The following FAF1 variants were observed in gnomAD, a reference collection of about 807,000 sequenced individuals.
FAF1 encodes the protein Fas associated factor 1.
In FAF1, 25 loss-of-function variants were observed where a neutral mutation model predicts 92.5. The ratio of observed to expected loss-of-function variants is 0.27; its 90% CI spans 0.20 to 0.38. The LOEUF (loss-of-function observed/expected upper bound fraction) is 0.38. Ranked by LOEUF, FAF1 falls within the 10% of genes least tolerant of loss-of-function variation. The pLI, the probability that FAF1 is intolerant of heterozygous loss-of-function variation, is 1.00. For missense variants in FAF1, 636 were observed against 793.3 expected (o/e 0.80, Z 2.38); for synonymous variants, 234 against 273.2 (o/e 0.86, Z 1.42).
intron 2 of FAF1, among the ~76,000 whole-genome samples, chr1:50,807,159 A>G (rs1200184877): frequency 6.6e-6 from 1 of 152,268 alleles, no homozygotes; most frequent in Non-Finnish European, 1.5e-5. Flanking sequence ...ATAAAATAAT[A>G]CAGGAGATAA....
intron 7 of FAF1, among the ~76,000 whole-genome samples, chr1:50,667,123 T>A (rs1309998670): frequency 6.6e-6 from 1 of 152,150 alleles, no homozygotes; most frequent in Non-Finnish European, 1.5e-5. Context: ...GTTCCTGGTG[T>A]CACACACATC....
At chr1:50,491,965 G>A (rs565913348) in intron 15 of FAF1, among the ~76,000 whole-genome samples, 164 bp from the exon 16 acceptor site, 5 of 152,200 alleles carry the variant, frequency 3.3e-5, no homozygotes, top group African/African-American at 9.6e-5. Context: ...ACAATAAGAT[G>A]AGCAGCATGG....
At chr1:50,888,621 C>G (rs77491617) in intron 1 of FAF1, among the ~76,000 whole-genome samples, 1 of 150,876 alleles carries the variant, frequency 6.6e-6, no homozygotes, top group East Asian at 2.0e-4. Flanking sequence ...TTTTCTGCAT[C>G]GATTAGGTTT....
chr1:50,556,663 C>T (rs1649598231), intron 13 of FAF1, among the ~76,000 whole-genome samples: 1 of 151,680 alleles, frequency 6.6e-6, no homozygotes, highest in Non-Finnish European at 1.5e-5. Context: ...TGGTGAGACC[C>T]CGTGTCTACA....
chr1:50,536,949 C>G (rs1648515487), intron 14 of FAF1, among the ~76,000 whole-genome samples: 1 of 152,024 alleles, frequency 6.6e-6, no homozygotes, highest in Non-Finnish European at 1.5e-5. Context: ...TGACAGATGA[C>G]AAAAGAAGTT....
chr1:50,596,134 T>A lies in FAF1; in HGVS notation c.827A>T (p.Glu276Val), dbSNP rs1329680842. ...AAACAGGCTTACTTCTTCCGACTGTTCCCGGGTCTGTGCAGGTGAAGATCT... is the reference window on the plus strand; with the variant it reads ...AAACAGGCTTACTTCTTCCGACTGTACCCGGGTCTGTGCAGGTGAAGATCT... Reference protein sequence around the residue: ...GRRSSPAQTREQSEEQITDVH... With the variant: ...GRRSSPAQTRVQSEEQITDVH... The change falls in exon 9 of 19, where the codon GAA becomes GTA. Residue 276 changes from glutamate to valine, a missense_variant. Glu to Val is a moderately radical substitution (Grantham distance 121). Transcript: ENST00000396153. The A allele has an allele frequency of 1.2e-6, 2 of 1,613,600 alleles. No individual in the cohort carries two copies. Among genetic ancestry groups the A allele is most frequent in the Admixed American group, 3.3e-5 (2 of 59,996 alleles).
chr1:50,846,133 G>C lies in FAF1; in HGVS notation c.114+11796C>G, dbSNP rs560071990. Reference sequence around the variant, plus strand: ...CAAGAACAAAAGTGAGAAAGGAAAAGAAACGAAAAAGGAAAGAAAGGGAGA... The same window carrying C: ...CAAGAACAAAAGTGAGAAAGGAAAACAAACGAAAAAGGAAAGAAAGGGAGA... On this transcript the variant is annotated intron_variant, in intron 2 of 18. Coordinates refer to ENST00000396153, the MANE Select transcript of FAF1 (RefSeq NM_007051.3). Among the ~76,000 whole-genome samples the C allele has an allele frequency of 3.3e-5, 5 of 149,964 alleles. 1 individual carries two copies. Among genetic ancestry groups the C allele is most frequent in the African/African-American group, 1.2e-4 (5 of 40,804 alleles).
chr1:50,894,918 A>G (rs982863177), intron 1 of FAF1, among the ~76,000 whole-genome samples: 5 of 152,150 alleles, frequency 3.3e-5, no homozygotes, highest in African/African-American at 1.2e-4. Flanking sequence ...TATAGGTGTA[A>G]GCACCTACAT....
intron 17 of FAF1, among the ~76,000 whole-genome samples, chr1:50,484,038 T>G (rs1646732648): frequency 6.6e-6 from 1 of 152,170 alleles, no homozygotes; most frequent in Non-Finnish European, 1.5e-5. Context: ...GCTGGAAATA[T>G]AAATCTGGGA....
chr1:50,478,198 CTG>C (rs1646661293), intron 17 of FAF1, among the ~76,000 whole-genome samples: 1 of 145,198 alleles, frequency 6.9e-6, no homozygotes, highest in African/African-American at 2.5e-5. Flanking sequence ...GAGTTTCACT[CTG>C]TCGCCCAGGC....
At chr1:50,589,113 TAAAA>T (rs1651383253) in intron 9 of FAF1, among the ~76,000 whole-genome samples, 1 of 152,088 alleles carries the variant, frequency 6.6e-6, no homozygotes, top group African/African-American at 2.4e-5. Context: ...CTTATAGACA[TAAAA>T]CTGTGACAGC....
chr1:50,891,552 C>A (rs1013097369), intron 1 of FAF1, among the ~76,000 whole-genome samples: 2 of 152,076 alleles, frequency 1.3e-5, no homozygotes, highest in African/African-American at 2.4e-5. Flanking sequence ...TGTGGATGTC[C>A]TGTTTGTTAG....
At chr1:50,891,952 A>C (rs1644723526) in intron 1 of FAF1, among the ~76,000 whole-genome samples, 2 of 152,222 alleles carry the variant, frequency 1.3e-5, no homozygotes, top group African/African-American at 4.8e-5. Context: ...CCCTGTCCCC[A>C]GAGGTGGAGT....
At chr1:50,932,298 T>C (rs1188166317) in intron 1 of FAF1, among the ~76,000 whole-genome samples, 1 of 152,178 alleles carries the variant, frequency 6.6e-6, no homozygotes, top group African/African-American at 2.4e-5. Flanking sequence ...CCCTTCCACC[T>C]ATGAGCCTCT....
At chr1:50,716,978 C>T (rs1466854715) in intron 6 of FAF1, among the ~76,000 whole-genome samples, 2 of 152,134 alleles carry the variant, frequency 1.3e-5, no homozygotes, top group African/African-American at 2.4e-5. Flanking sequence ...TGCAAAGGTC[C>T]GTGGCTTCAT....
chr1:50,859,109 T>C (rs934165491), intron 1 of FAF1, among the ~76,000 whole-genome samples: 3 of 151,748 alleles, frequency 2.0e-5, no homozygotes, highest in Non-Finnish European at 2.9e-5. Context: ...AAAGTAGGCA[T>C]CAAAGGAATA....
intron 18 of FAF1, among the ~76,000 whole-genome samples, chr1:50,459,570 C>T (rs1646399959): frequency 6.6e-6 from 1 of 152,170 alleles, no homozygotes; most frequent in Admixed American, 6.6e-5. Flanking sequence ...CCTATCCTCC[C>T]GCAACCTTGA....
At chr1:50,943,385 A>G (rs1645149112) in intron 1 of FAF1, among the ~76,000 whole-genome samples, 1 of 152,178 alleles carries the variant, frequency 6.6e-6, no homozygotes, top group African/African-American at 2.4e-5. Flanking sequence ...TTCTGTATTG[A>G]TCTTTCCTTT....
At chr1:50,786,167 C>T (rs2124569994) in intron 4 of FAF1, among the ~76,000 whole-genome samples, 1 of 151,684 alleles carries the variant, frequency 6.6e-6, no homozygotes, top group South Asian at 2.1e-4. Flanking sequence ...ATGTTCATTG[C>T]AGCGTTATTC....
Sources: allele counts gnomAD v4.1 joint callset (sites outside exome capture counted in the v4.1 genomes callset), GRCh38; gene constraint gnomAD v4.1.1; transcripts MANE v1.5; gene names NCBI Gene and HGNC (gene_info 2026-07-23, HGNC 2026-07-21).